The following PHF14 variants were observed in gnomAD, a reference collection of about 807,000 sequenced individuals.
PHF14 encodes PHD finger protein 14.
A neutral mutation model predicts 117.9 loss-of-function variants in PHF14; 55 were observed. The observed-to-expected ratio is 0.47, with a 90% CI of 0.38 to 0.58. The LOEUF is 0.58. PHF14 is among the 20% of genes least tolerant of loss of function. PHF14 has a pLI of 0.00. For synonymous variants in PHF14, 409 were observed against 368.6 expected (o/e 1.11, Z -1.26); for missense variants, 978 against 1,122.2 (o/e 0.87, Z 1.84).
In PHF14 at chr7:11,042,556, T is replaced by C. The variant is rs573258973; in HGVS notation, c.2181-127T>C. On this transcript the variant is annotated intron_variant, in intron 12 of 17. Coordinates refer to ENST00000634607, the MANE Select transcript of PHF14 (RefSeq NM_001007157.2). ...AGATGTGTTAATGAAAGAAATTGTC[T>C]ATCTCAACAGAAGAAATAGTAAGTT... 399 of 582,918 alleles carry C rather than the reference T, an allele frequency of 6.8e-4. 1 individual carries two copies. The highest frequency in any genetic ancestry group is 9.9e-4 in the Non-Finnish European group (341 of 342,850). The allele number at this position is 582,918 out of a possible 1,614,324, so 36.1% of individuals were successfully genotyped here.
intron 16 of PHF14, among the ~76,000 whole-genome samples, chr7:11,100,122 T>A (rs1046526195): frequency 6.6e-6 from 1 of 152,112 alleles, no homozygotes; most frequent in Non-Finnish European, 1.5e-5. Flanking sequence ...CTGTTTCATC[T>A]GTTACTCCTG....
At chr7:11,069,414 A>G (rs1391965459) in intron 16 of PHF14, among the ~76,000 whole-genome samples, 2 of 152,092 alleles carry the variant, frequency 1.3e-5, no homozygotes, top group Admixed American at 1.3e-4. Context: ...GGAGGACGAT[A>G]AGGCACAGGT....
chr7:11,017,139 G>A (rs1783561548), intron 5 of PHF14, among the ~76,000 whole-genome samples: 3 of 151,908 alleles, frequency 2.0e-5, no homozygotes, highest in South Asian at 2.1e-4. Flanking sequence ...TTTCTTTATC[G>A]GATTCGTCTG....
In PHF14 at chr7:11,044,153, G is replaced by T. The variant is rs550277930; in HGVS notation, c.2312+1339G>T. 2.8e-4 allele frequency among the ~76,000 whole-genome samples: 42 copies of T among 152,178 alleles called. 1 individual carries two copies. Among genetic ancestry groups the T allele is most frequent in the Middle Eastern group, 6.8e-3 (2 of 294 alleles). ...AACACTGGATAGTCATGGACATAAAGATGGGGCCTACTAGAATGGGGAGGG... is the reference window on the plus strand; with the variant it reads ...AACACTGGATAGTCATGGACATAAATATGGGGCCTACTAGAATGGGGAGGG... On this transcript the variant is annotated intron_variant, in intron 13 of 17. Coordinates refer to ENST00000634607, the MANE Select transcript of PHF14 (RefSeq NM_001007157.2).
chr7:11,123,985 C>A (rs1033637876), intron 17 of PHF14, among the ~76,000 whole-genome samples: 2 of 144,926 alleles, frequency 1.4e-5, no homozygotes, highest in Admixed American at 6.8e-5. Context: ...AAATTGATAT[C>A]CTTTATTTAA....
intron 5 of PHF14, among the ~76,000 whole-genome samples, chr7:11,021,410 G>T (rs751105281): frequency 6.6e-6 from 1 of 152,124 alleles, no homozygotes; most frequent in Non-Finnish European, 1.5e-5. Flanking sequence ...AGTTGTCTCG[G>T]CCATGATTTT....
chr7:10,993,024 G>A (rs1242260496), intron 4 of PHF14, among the ~76,000 whole-genome samples: 2 of 152,044 alleles, frequency 1.3e-5, no homozygotes, highest in African/African-American at 4.8e-5. Context: ...GTTATATAGT[G>A]TTCTTAGTGC....
At chr7:11,027,254 T>C (rs2128319850) in intron 6 of PHF14, among the ~76,000 whole-genome samples, 1 of 152,304 alleles carries the variant, frequency 6.6e-6, no homozygotes, top group Admixed American at 6.5e-5. Context: ...CATGTTTAGA[T>C]TGCTATTTGC....
Position 11,061,777 on chromosome 7 carries a change from TTG to T in PHF14, c.2482-12_2482-11del. 1.3e-6 allele frequency: 2 copies of T among 1,495,784 alleles called. No homozygotes were observed. Among genetic ancestry groups the T allele is most frequent in the Non-Finnish European group, 1.8e-6 (2 of 1,127,516 alleles). 92.7% of individuals were successfully genotyped at this position (1,495,784 alleles called of 1,614,324 possible). On this transcript the variant is annotated splice_polypyrimidine_tract_variant and intron_variant, in intron 14 of 17. Transcript: ENST00000634607. ...GGATTTTTGTTTTTTGTTTTTTTTT[TTG>T]TTTTTTTCCAGAGAACCAGAGGACG...
In PHF14 at chr7:10,990,774, TTGTC is replaced by T; in HGVS notation, c.975_978del (p.Cys325TrpfsTer11). The T allele has an allele frequency of 6.3e-7, 1 of 1,583,390 alleles. No individual in the cohort carries two copies. Among genetic ancestry groups the T allele is most frequent in the South Asian group, 1.2e-5 (1 of 86,754 alleles). Reference sequence around the variant, plus strand: ...TGGACCATATTCTGATTTGCTGTGTTTGTCTGGGAGATAATAGTGAGGACGCTGA... The same window carrying T: ...TGGACCATATTCTGATTTGCTGTGTTTGGGAGATAATAGTGAGGACGCTGA... On this transcript the variant is annotated frameshift_variant, in exon 4 of 18. Transcript: ENST00000634607. LOFTEE classifies it high-confidence loss of function.
chr7:11,161,960 A>C (rs1789050095), intron 17 of PHF14, among the ~76,000 whole-genome samples: 1 of 150,926 alleles, frequency 6.6e-6, no homozygotes, highest in Admixed American at 6.6e-5. Context: ...TCAAGACCAT[A>C]AGTTCGTCAG....
intron 4 of PHF14, chr7:11,006,561 G>A: frequency 1.7e-6 from 1 of 593,268 alleles, no homozygotes. Context: ...GTGCTTGTTG[G>A]CTTTAACTTC....
chr7:11,150,301 A>G (rs886246832), intron 17 of PHF14, among the ~76,000 whole-genome samples: 3 of 152,188 alleles, frequency 2.0e-5, no homozygotes, highest in Non-Finnish European at 4.4e-5. Flanking sequence ...GAAACATTTT[A>G]TAACAAAATA....
chr7:11,034,796 G>T (rs1275432184), intron 7 of PHF14, among the ~76,000 whole-genome samples: 2 of 151,694 alleles, frequency 1.3e-5, no homozygotes, highest in African/African-American at 2.4e-5. Flanking sequence ...TGATCTGCTT[G>T]CCTCGGTCTC....
intron 16 of PHF14, chr7:11,107,794 AT>A: frequency 1.2e-6 from 1 of 853,996 alleles, no homozygotes; most frequent in Non-Finnish European, 1.4e-6. Flanking sequence ...TTTTTAAAAC[AT>A]TTTATTCACT....
rs116198309 is a variant in PHF14, at chr7:11,145,843, G to A, written c.2773-23573G>A. On this transcript the variant is annotated intron_variant, in intron 17 of 17. Coordinates refer to ENST00000634607, the MANE Select transcript of PHF14 (RefSeq NM_001007157.2). ...AATTTTTTGCTCTTTTACTTCTATC[G>A]TATACGTTATACATTACCATATGTT... Among the ~76,000 whole-genome samples the A allele has an allele frequency of 5.3e-3, 806 of 151,912 alleles. 7 individuals carry two copies. The highest frequency in any genetic ancestry group is 0.019 in the African/African-American group (781 of 41,444).
chr7:11,077,350 C>G (rs1785903001), intron 16 of PHF14, among the ~76,000 whole-genome samples: 1 of 151,132 alleles, frequency 6.6e-6, no homozygotes, highest in Non-Finnish European at 1.5e-5. Flanking sequence ...ATGCCTGAAT[C>G]TCAGCACTTT....
chr7:11,014,870 G>A (rs892680145), intron 5 of PHF14: 7 of 151,524 alleles, frequency 4.6e-5, no homozygotes, highest in East Asian at 3.9e-4. Context: ...TCATCATAAC[G>A]GTGTTGCCAT....
chr7:11,140,144 C>T (rs1323731029), intron 17 of PHF14, among the ~76,000 whole-genome samples: 1 of 152,018 alleles, frequency 6.6e-6, no homozygotes, highest in African/African-American at 2.4e-5. Context: ...CTTCTCATAC[C>T]CCTGCACACA....
Sources: allele counts gnomAD v4.1 joint callset (sites outside exome capture counted in the v4.1 genomes callset), GRCh38; gene constraint gnomAD v4.1.1; transcripts MANE v1.5; gene names NCBI Gene and HGNC (gene_info 2026-07-23, HGNC 2026-07-21).